Variants in PCDH15 observed in about 807,000 individuals in gnomAD.
PCDH15 encodes protocadherin-15.
A neutral mutation model predicts 178.5 loss-of-function variants in PCDH15; 129 were observed. The observed-to-expected ratio is 0.72, with a 90% CI of 0.63 to 0.84. The LOEUF (loss-of-function observed/expected upper bound fraction) is 0.84. PCDH15 is among the 40% of genes least tolerant of loss of function. The pLI, the probability that PCDH15 is intolerant of heterozygous loss-of-function variation, is 0.00. For missense variants in PCDH15, 2,230 were observed against 2,099.9 expected (o/e 1.06, Z -1.21); for synonymous variants, 800 against 732.0 (o/e 1.09, Z -1.50).
chr10:53,823,206 AG>A (rs2076424317), intron 32 of PCDH15: 1 of 1,613,926 alleles, frequency 6.2e-7, no homozygotes, highest in Admixed American at 1.7e-5. Flanking sequence ...TGCAGACTTC[AG>A]TTTGTTGCTC....
chr10:54,435,434 A>T (rs977652709), intron 3 of PCDH15, among the ~76,000 whole-genome samples: 4 of 152,204 alleles, frequency 2.6e-5, no homozygotes, highest in Admixed American at 2.6e-4. Context: ...CAATATTGTG[A>T]TTAACCATGA....
At chr10:55,394,684 T>C (rs530969845) in intron 2 of PCDH15, among the ~76,000 whole-genome samples, 2 of 149,096 alleles carry the variant, frequency 1.3e-5, no homozygotes, top group African/African-American at 2.5e-5. Flanking sequence ...CAGTAGAAAA[T>C]TAAAAAAAAA....
chr10:54,404,000 T>C (rs1952281502), intron 3 of PCDH15, among the ~76,000 whole-genome samples: 1 of 152,066 alleles, frequency 6.6e-6, no homozygotes, highest in Admixed American at 6.6e-5. Flanking sequence ...TCCATGCTAG[T>C]GAATAGAAAG....
chr10:54,271,083 G>A (rs1225018964), intron 8 of PCDH15, among the ~76,000 whole-genome samples: 3 of 152,090 alleles, frequency 2.0e-5, no homozygotes, highest in Admixed American at 2.0e-4. Context: ...ACTGATAAGG[G>A]AATAAACAAA....
intron 2 of PCDH15, among the ~76,000 whole-genome samples, chr10:55,502,967 G>C (rs1208768052): frequency 6.6e-6 from 1 of 151,428 alleles, no homozygotes; most frequent in East Asian, 1.9e-4. Context: ...TTCTGAAGGA[G>C]CACTTTTATG....
At chr10:55,137,313 C>T (rs183789306) in intron 2 of PCDH15, among the ~76,000 whole-genome samples, 67 of 152,214 alleles carry the variant, frequency 4.4e-4, no homozygotes, top group Admixed American at 1.2e-3. Context: ...TACACAAATA[C>T]TTACCATTGT....
intron 35 of PCDH15, among the ~76,000 whole-genome samples, chr10:53,813,625 A>G (rs1465804155): frequency 1.3e-5 from 2 of 152,186 alleles, no homozygotes; most frequent in African/African-American, 4.8e-5. Context: ...CCCAACAGAA[A>G]CATGTACACT....
At chr10:54,952,583 G>A (rs1838372320) in intron 2 of PCDH15, among the ~76,000 whole-genome samples, 1 of 151,658 alleles carries the variant, frequency 6.6e-6, no homozygotes, top group South Asian at 2.1e-4. Flanking sequence ...TATAAAGTTG[G>A]GAAGAAATGA....
intron 2 of PCDH15, among the ~76,000 whole-genome samples, chr10:55,485,642 G>C (rs1159161424): frequency 6.6e-6 from 1 of 151,486 alleles, no homozygotes; most frequent in Non-Finnish European, 1.5e-5. Flanking sequence ...TCCCACTGCT[G>C]TATATATATG....
chr10:54,666,549 G>A (rs1394376750), intron 1 of PCDH15, among the ~76,000 whole-genome samples: 1 of 151,940 alleles, frequency 6.6e-6, no homozygotes, highest in African/African-American at 2.4e-5. Flanking sequence ...GCTCTACTAA[G>A]ATTTCTATAT....
chr10:54,525,074 C>G (rs1302552709), intron 3 of PCDH15, among the ~76,000 whole-genome samples: 1 of 152,114 alleles, frequency 6.6e-6, no homozygotes, highest in Non-Finnish European at 1.5e-5. Flanking sequence ...TTATAAAAGT[C>G]TTTGAGAGAT....
chr10:55,039,800 A>T (rs1339015578), intron 2 of PCDH15, among the ~76,000 whole-genome samples: 8 of 152,174 alleles, frequency 5.3e-5, no homozygotes. Flanking sequence ...TAAATGATTT[A>T]GTAAATTACG....
intron 1 of PCDH15, among the ~76,000 whole-genome samples, chr10:55,281,133 T>C (rs1277579296): frequency 1.3e-5 from 2 of 152,236 alleles, no homozygotes; most frequent in African/African-American, 4.8e-5. Flanking sequence ...GTTTGTTTTC[T>C]GTAGCATCAC....
chr10:54,204,214 A>T (rs2050541506), intron 10 of PCDH15, among the ~76,000 whole-genome samples: 1 of 152,076 alleles, frequency 6.6e-6, no homozygotes, highest in Admixed American at 6.6e-5. Context: ...TTGCCATTGA[A>T]TTTTTTCACA....
chr10:55,083,065 T>A (rs1842083785), intron 2 of PCDH15, among the ~76,000 whole-genome samples: 2 of 151,794 alleles, frequency 1.3e-5, no homozygotes, highest in African/African-American at 4.8e-5. Flanking sequence ...GTAAGTATAG[T>A]ACTGATAACC....
rs552171665 is a variant in PCDH15 at position 53,902,127 on chromosome 10, A to G, written c.3501+1116T>C. Among the ~76,000 whole-genome samples, 421 of 152,328 alleles carry G rather than the reference A, an allele frequency of 2.8e-3. 15 individuals carry two copies. The South Asian group carries it at 0.084, about 30-fold the overall frequency. ...TAAAATATAAAATAAGATAAAAATC[A>G]GCTACAAAGGATTCCTACTTGTGGA... On this transcript the variant is annotated intron_variant, in intron 26 of 37. Coordinates refer to ENST00000644397, the MANE Select transcript of PCDH15 (RefSeq NM_001384140.1).
intron 2 of PCDH15, among the ~76,000 whole-genome samples, chr10:55,586,070 T>C (rs1842722439): frequency 6.6e-6 from 1 of 152,072 alleles, no homozygotes; most frequent in African/African-American, 2.4e-5. Flanking sequence ...ATACTCAAAT[T>C]TGACAAATGT....
At chr10:54,509,395 GC>G (rs1254624313) in intron 3 of PCDH15, among the ~76,000 whole-genome samples, 1 of 152,072 alleles carries the variant, frequency 6.6e-6, no homozygotes, top group Admixed American at 6.6e-5. Flanking sequence ...TGAAAGATGT[GC>G]TTTTTGTCTT....
At chr10:54,395,092 T>A (rs1219718353) in intron 3 of PCDH15, among the ~76,000 whole-genome samples, 1 of 152,124 alleles carries the variant, frequency 6.6e-6, no homozygotes, top group East Asian at 1.9e-4. Flanking sequence ...CCTGAGGCTG[T>A]AATTACATCC....
Sources: gnomAD v4.1 joint callset for allele counts (sites outside exome capture counted in the v4.1 genomes callset) on GRCh38, gnomAD v4.1.1 for gene constraint, MANE v1.5 for transcripts, NCBI Gene and HGNC (gene_info 2026-07-23, HGNC 2026-07-21) for gene names.